The following CNTNAP2 variants were observed in gnomAD, a reference collection of about 807,000 sequenced individuals.
CNTNAP2 encodes contactin-associated protein-like 2.
A neutral mutation model predicts 155.2 loss-of-function variants in CNTNAP2; 98 were observed. That is an observed-to-expected ratio of 0.63 (90% confidence interval 0.54 to 0.75). The LOEUF (loss-of-function observed/expected upper bound fraction) is 0.75, where lower values mean the gene tolerates loss of function less well. CNTNAP2 is among the 30% of genes least tolerant of loss of function. CNTNAP2 has a pLI of 0.00. For synonymous variants in CNTNAP2, 651 were observed against 631.2 expected, an observed-to-expected ratio of 1.03 and a Z score of -0.47; for missense variants, 1,727 against 1,688.1, an observed-to-expected ratio of 1.02 and a Z score of -0.40.
At chr7:146,721,875 G>GTGTGTGTATATATATATATA (rs1332551916) in intron 1 of CNTNAP2, among the ~76,000 whole-genome samples, 1 of 76,702 alleles carries the variant, frequency 1.3e-5, no homozygotes, top group African/African-American at 1.8e-4. Context: ...GTGTGTGTGT[G>GTGTGTGTATATATATATATA]TATATATATA....
intron 13 of CNTNAP2, among the ~76,000 whole-genome samples, chr7:147,666,981 G>A (rs535830956): frequency 6.6e-6 from 1 of 152,250 alleles, no homozygotes; most frequent in African/African-American, 2.4e-5. Flanking sequence ...AACTTCTAAT[G>A]ACCTGGAATG....
intron 1 of CNTNAP2, among the ~76,000 whole-genome samples, chr7:146,757,407 AT>A (rs1365820101): frequency 3.3e-5 from 5 of 152,292 alleles, no homozygotes; most frequent in Non-Finnish European, 4.4e-5. Flanking sequence ...TGTTCCTTAA[AT>A]AAGTTTAATT....
At chr7:147,925,756 C>T (rs551631269) in intron 14 of CNTNAP2, among the ~76,000 whole-genome samples, 10 of 152,258 alleles carry the variant, frequency 6.6e-5, no homozygotes, top group South Asian at 4.1e-4. Flanking sequence ...CCACCACGCC[C>T]GGCCATTCTG....
intron 1 of CNTNAP2, among the ~76,000 whole-genome samples, chr7:146,537,946 G>C (rs563700390): frequency 6.6e-6 from 1 of 151,976 alleles, no homozygotes; most frequent in East Asian, 1.9e-4. Flanking sequence ...GATGTGAGAC[G>C]CTATGGAAGG....
At chr7:146,563,862 T>C (rs1330905491) in intron 1 of CNTNAP2, among the ~76,000 whole-genome samples, 1 of 152,140 alleles carries the variant, frequency 6.6e-6, no homozygotes, top group Non-Finnish European at 1.5e-5. Context: ...AGTCAACCAA[T>C]AAATGGAACA....
chr7:148,350,039 T>A (rs1238277344), intron 21 of CNTNAP2, among the ~76,000 whole-genome samples: 1 of 152,124 alleles, frequency 6.6e-6, no homozygotes, highest in Non-Finnish European at 1.5e-5. Context: ...GGATGATGGA[T>A]GGTGGGGAGA....
At chr7:146,964,028 C>T (rs2129231177) in intron 3 of CNTNAP2, among the ~76,000 whole-genome samples, 1 of 152,200 alleles carries the variant, frequency 6.6e-6, no homozygotes, top group African/African-American at 2.4e-5. Context: ...AACAAGCCAT[C>T]TCAATTTACT....
At chr7:146,321,997 G>A (rs1801011689) in intron 1 of CNTNAP2, among the ~76,000 whole-genome samples, 1 of 152,042 alleles carries the variant, frequency 6.6e-6, no homozygotes, top group East Asian at 1.9e-4. Flanking sequence ...TCAGGGAAAA[G>A]TAATTTTATT....
intron 2 of CNTNAP2, among the ~76,000 whole-genome samples, chr7:146,774,629 T>C (rs1273404440): frequency 6.6e-6 from 1 of 152,100 alleles, no homozygotes; most frequent in Non-Finnish European, 1.5e-5. Context: ...TGAAGTTGCC[T>C]GGGATAATAA....
In CNTNAP2 at chr7:146,721,889, A is replaced by ATTTTTTTTTTTTTTTTTTTTTT. The variant is rs71527797; in HGVS notation, c.98-52365_98-52364insTTTTTTTTTTTTTTTTTTTTTT. ...TGTGTGTGTGTGTATATATATATAT[A>ATTTTTTTTTTTTTTTTTTTTTT]TTTTTTTTTTTTTTTTTGAGATGGA... On this transcript the variant is annotated intron_variant, in intron 1 of 23. Transcript: ENST00000361727. 7.2e-5 allele frequency among the ~76,000 whole-genome samples: 5 copies of ATTTTTTTTTTTTTTTTTTTTTT among 69,708 alleles called. 1 individual carries two copies. The African/African-American group carries it at 9.5e-4, about 13-fold the overall frequency. The allele number at this position is 69,708 out of a possible 152,430, so 45.7% of individuals were successfully genotyped here. A position where few individuals can be genotyped will look rare whatever the true frequency, so the allele number is the denominator to read the frequency against.
chr7:147,762,866 A>G lies in CNTNAP2; in HGVS notation c.2098+123560A>G, dbSNP rs1797326797. On this transcript the variant is annotated intron_variant, in intron 13 of 23. Transcript: ENST00000361727. ...GAATTTTTCTAGTCTGAACCTTTCT[A>G]CTAAATATCTATTGTGTTGTTCGAC... Among the ~76,000 whole-genome samples, 3 of 152,138 alleles carry G rather than the reference A, an allele frequency of 2.0e-5. No homozygotes were observed. In the South Asian group the frequency reaches 6.2e-4, roughly 32 times the overall value.
chr7:148,120,197 A>G (rs1482303021), intron 16 of CNTNAP2, among the ~76,000 whole-genome samples: 3 of 147,396 alleles, frequency 2.0e-5, no homozygotes, highest in Non-Finnish European at 3.0e-5. Flanking sequence ...GAAGGAACAC[A>G]TACTAGATAG....
chr7:146,590,500 C>A (rs1288374498), intron 1 of CNTNAP2, among the ~76,000 whole-genome samples: 1 of 152,038 alleles, frequency 6.6e-6, no homozygotes, highest in Admixed American at 6.6e-5. Context: ...AAAGAAAACT[C>A]CACCCTCCAA....
intron 1 of CNTNAP2, among the ~76,000 whole-genome samples, chr7:146,344,707 G>A (rs1438229362): frequency 6.6e-6 from 1 of 152,140 alleles, no homozygotes; most frequent in Non-Finnish European, 1.5e-5. Context: ...TAGAACTCCT[G>A]ACCTAAGGGA....
chr7:146,279,732 G>A (rs1343264852), intron 1 of CNTNAP2, among the ~76,000 whole-genome samples: 1 of 151,800 alleles, frequency 6.6e-6, no homozygotes, highest in East Asian at 1.9e-4. Flanking sequence ...TCAAAGAAAT[G>A]CTAATTTAAA....
chr7:148,212,390 T>C (rs535671511), intron 18 of CNTNAP2, among the ~76,000 whole-genome samples: 37 of 152,332 alleles, frequency 2.4e-4, no homozygotes, highest in Admixed American at 1.4e-3. Flanking sequence ...GATGGCATAA[T>C]GTATTTCAAA....
chr7:146,600,163 A>G (rs1798928432), intron 1 of CNTNAP2, among the ~76,000 whole-genome samples: 1 of 152,072 alleles, frequency 6.6e-6, no homozygotes. Context: ...ACTCCATAAT[A>G]GTCAGTTTTC....
intron 15 of CNTNAP2, among the ~76,000 whole-genome samples, chr7:148,007,957 C>T (rs560870626): frequency 6.6e-6 from 1 of 152,230 alleles, no homozygotes; most frequent in African/African-American, 2.4e-5. Context: ...GAATATGCGA[C>T]CTTACATGGC....
intron 1 of CNTNAP2, among the ~76,000 whole-genome samples, chr7:146,132,064 T>A (rs1481521315): frequency 6.6e-6 from 1 of 152,218 alleles, no homozygotes; most frequent in Non-Finnish European, 1.5e-5. Context: ...TCAGGTAGAT[T>A]CTTTATAGCA....
Sources: gnomAD v4.1 joint callset for allele counts (sites outside exome capture counted in the v4.1 genomes callset) on GRCh38, gnomAD v4.1.1 for gene constraint, MANE v1.5 for transcripts, NCBI Gene and HGNC (gene_info 2026-07-23, HGNC 2026-07-21) for gene names.